Variants in TLR8 observed in about 807,000 individuals in gnomAD.
The protein encoded by TLR8 is toll-like receptor 8.
Under a neutral mutation model 18.5 loss-of-function variants are expected in TLR8, and 5 were observed. That is an observed-to-expected ratio of 0.27 (90% CI 0.14 to 0.57). TLR8 has a LOEUF of 0.57. Ranked by LOEUF, TLR8 falls within the 20% of genes least tolerant of loss-of-function variation. The pLI is 0.92. For synonymous variants in TLR8, 299 were observed against 300.1 expected, an observed-to-expected ratio of 1.00 and a Z score of 0.04; for missense variants, 543 against 769.8, an observed-to-expected ratio of 0.71 and a Z score of 3.49.
intron 1 of TLR8, among the ~76,000 whole-genome samples, chrX:12,917,457 G>A (rs10126504): frequency 0.065 from 7,288 of 111,798 alleles, 606 homozygotes; most frequent in African/African-American, 0.23. Flanking sequence ...TTAGTTCACC[G>A]GCCCTAAATT....
chrX:12,907,901 C>T (rs974903166), intron 1 of TLR8, among the ~76,000 whole-genome samples: 7 of 111,758 alleles, frequency 6.3e-5, no homozygotes, highest in Non-Finnish European at 1.9e-5. Flanking sequence ...TAAAATTTTA[C>T]AATGCTTTAC....
At position 12,906,931 on chromosome X, in the gene TLR8, G is replaced by A. The variant is rs372942962; in HGVS notation, c.3+222G>A. On this transcript the variant is annotated intron_variant, in intron 1 of 1. Transcript: ENST00000218032. ...ATAAAGGAATTAGAGAGTAAATTTT[G>A]AAAATCAAATGCAGTGATGATCTTA... Among the ~76,000 whole-genome samples the A allele has an allele frequency of 4.4e-5, 5 of 112,412 alleles. No homozygotes were observed. In the East Asian group the frequency reaches 1.4e-3, roughly 31 times the overall value.
At chrX:12,913,156 C>T (rs1241823926) in intron 1 of TLR8, among the ~76,000 whole-genome samples, 3 of 112,193 alleles carry the variant, frequency 2.7e-5, no homozygotes, top group Non-Finnish European at 5.6e-5. Context: ...ACCTGACAAA[C>T]ACTACCTCAG....
At chrX:12,906,836 T>G in intron 1 of TLR8, 127 bp downstream of exon 1, 1 of 577,025 alleles carries the variant, frequency 1.7e-6, no homozygotes, top group East Asian at 4.3e-5. Context: ...GGATAAAAAT[T>G]AAAGATCGAA....
chrX:12,913,524 C>T (rs1330633259), intron 1 of TLR8, among the ~76,000 whole-genome samples: 1 of 112,690 alleles, frequency 8.9e-6, no homozygotes, highest in Non-Finnish European at 1.9e-5. Context: ...ATAGCATTGC[C>T]TTATCCGTTT....
intron 1 of TLR8, among the ~76,000 whole-genome samples, chrX:12,916,090 A>G (rs1314711815): frequency 2.7e-5 from 3 of 110,967 alleles, no homozygotes; most frequent in Non-Finnish European, 5.7e-5. Flanking sequence ...TATGTTGGCC[A>G]GGCTGGTCTC....
rs1381639141 is a variant in TLR8, at chrX:12,920,883, T to G, written c.1843T>G (p.Phe615Val). Residue 615 changes from phenylalanine to valine, a missense_variant, in exon 2 of 2, where the codon TTC (phenylalanine) becomes GTC (valine). This residue lies in a region of TLR8 where 14 missense variants were observed against 47.0 expected (regional missense o/e 0.30). Transcript: ENST00000218032. Reference sequence around the variant, plus strand: ...AAGCAAGTCCCTGGTAGAATTAGTTTTCAGTGGCAATCGCCTTGACATTTT... The same window carrying G: ...AAGCAAGTCCCTGGTAGAATTAGTTGTCAGTGGCAATCGCCTTGACATTTT... ...LESKSLVELV[F>V]SGNRLDILWN... 8.3e-7 allele frequency: 1 copy of G among 1,209,624 alleles called. No individual in the cohort carries two copies. Among genetic ancestry groups the G allele is most frequent in the Non-Finnish European group, 1.1e-6 (1 of 894,666 alleles).
chrX:12,907,402 A>G (rs754385461), intron 1 of TLR8, among the ~76,000 whole-genome samples: 1 of 112,698 alleles, frequency 8.9e-6, no homozygotes, highest in Non-Finnish European at 1.9e-5. Flanking sequence ...TTTTTAAATG[A>G]TACATTTTCT....
In TLR8 at chrX:12,922,488, C is replaced by T. The variant is rs185447532; in HGVS notation, c.*322C>T. The T allele has an allele frequency of 3.0e-4, 59 of 197,374 alleles. 2 individuals carry two copies. In the East Asian group the frequency reaches 5.2e-3, roughly 17 times the overall value. The allele number at this position is 197,374 out of a possible 1,213,427, so 16.3% of individuals were successfully genotyped here. On this transcript the variant is annotated 3_prime_UTR_variant, in exon 2 of 2. Coordinates refer to ENST00000218032, the MANE Select transcript of TLR8 (RefSeq NM_138636.5). ...ATACTCATGTAAGCCATGCGAGCCT[C>T]TCCCACAAGGCAGCTTGCTTCATCA... is the stretch of plus-strand genomic sequence containing the variant.
At chrX:12,908,485 G>A (rs375726850) in intron 1 of TLR8, among the ~76,000 whole-genome samples, 1 of 113,075 alleles carries the variant, frequency 8.8e-6, no homozygotes, top group East Asian at 2.8e-4. Context: ...AAAGGCAGAG[G>A]TTGTTAGCCT....
rs1338628362 is a variant in TLR8 at position 12,921,574 on chromosome X, C to G, written c.2534C>G (p.Ala845Gly). Residue 845 changes from alanine to glycine, a missense_variant, in exon 2 of 2, where the codon GCT (alanine) becomes GGT (glycine). Around this residue, in one of 4 missense-constraint regions of TLR8, gnomAD observed 227 missense variants for 312.9 expected, o/e 0.73. Transcript: ENST00000218032. Reference protein sequence around the residue: ...TFFITTMVMLAALAHHLFYWD... With the variant: ...TFFITTMVMLGALAHHLFYWD... The stretch of plus-strand genomic sequence containing the variant: ...TTTATCACCACCATGGTTATGTTGG[C>G]TGCCCTGGCTCACCATTTGTTTTAC... The G allele has an allele frequency of 3.1e-5, 38 of 1,210,132 alleles. No homozygotes were observed. Among genetic ancestry groups the G allele is most frequent in the Non-Finnish European group, 4.1e-5 (37 of 895,136 alleles).
At chrX:12,913,697 G>A (rs2043035905) in intron 1 of TLR8, among the ~76,000 whole-genome samples, 1 of 112,099 alleles carries the variant, frequency 8.9e-6, no homozygotes, top group Admixed American at 9.5e-5. Flanking sequence ...TGTGTCTTTA[G>A]GATCTACTTC....
Position 12,922,605 on chromosome X carries a change from T to C in TLR8, c.*439T>C, listed in dbSNP as rs1396161379. 8.5e-6 allele frequency: 1 copy of C among 117,482 alleles called. No individual in the cohort carries two copies. The highest frequency in any genetic ancestry group is 1.8e-5 in the Non-Finnish European group (1 of 56,756). 9.7% of individuals were successfully genotyped at this position (117,482 alleles called of 1,213,427 possible). A position where few individuals can be genotyped will look rare whatever the true frequency, so the allele number is the denominator to read the frequency against. ...GTGATATCTCATCACTTTGGCCATA[T>C]TCTATTTGTTAGAAGTAAACCACAG... On this transcript the variant is annotated 3_prime_UTR_variant, in exon 2 of 2. Coordinates refer to ENST00000218032, the MANE Select transcript of TLR8 (RefSeq NM_138636.5).
At position 12,921,890 on chromosome X, in the gene TLR8, T is replaced by C. The variant is rs750278266; in HGVS notation, c.2850T>C (p.Tyr950=). Residue 950 remains tyrosine, a synonymous_variant, in exon 2 of 2, where the codon TAT becomes TAC. Coordinates refer to ENST00000218032, the MANE Select transcript of TLR8 (RefSeq NM_138636.5). ...KKTVFVLTKK[Y]AKSWNFKTAF... ...CAGTATTTGTTTTAACCAAAAAATA[T>C]GCAAAAAGCTGGAACTTTAAAACAG... 2.5e-6 allele frequency: 3 copies of C among 1,210,127 alleles called. No individual in the cohort carries two copies. Among genetic ancestry groups the C allele is most frequent in the African/African-American group, 3.5e-5 (2 of 57,256 alleles).
At chrX:12,915,308 ATGAGCCACCATGCCCCGCTATT>A (rs1362789652) in intron 1 of TLR8, among the ~76,000 whole-genome samples, 2 of 111,275 alleles carry the variant, frequency 1.8e-5, no homozygotes, top group African/African-American at 6.5e-5. Flanking sequence ...GACCACAAGC[ATGAGCCACCATGCCCCGCTATT>A]TGTTTTTGTA....
rs767404610 is a variant in TLR8, at chrX:12,910,424, G to A, written c.3+3715G>A. The A allele has an allele frequency of 9.4e-6, 11 of 1,167,629 alleles. No homozygotes were observed. In the South Asian group the frequency reaches 2.1e-4, roughly 22 times the overall value. ...CTTTGCAAAATAGCTCCTGCAGCCTGGGAAAGGAGACTAAAAAGGTAAAAA... is the reference window on the plus strand; with the variant it reads ...CTTTGCAAAATAGCTCCTGCAGCCTAGGAAAGGAGACTAAAAAGGTAAAAA... On this transcript the variant is annotated intron_variant, in intron 1 of 1. Coordinates refer to ENST00000218032, the MANE Select transcript of TLR8 (RefSeq NM_138636.5).
At position 12,920,923 on chromosome X, in the gene TLR8, A is replaced by T. The variant is rs746367315; in HGVS notation, c.1883A>T (p.Asp628Val). The T allele has an allele frequency of 8.3e-7, 1 of 1,210,663 alleles. No homozygotes were observed. The highest frequency in any genetic ancestry group is 1.1e-6 in the Non-Finnish European group (1 of 894,792). Residue 628 changes from aspartate (D) to valine (V), a missense_variant, in exon 2 of 2, where the codon GAC (aspartate) becomes GTC (valine). This residue lies in a region of TLR8 where 227 missense variants were observed against 312.9 expected (regional missense o/e 0.73). Transcript: ENST00000218032. ...NRLDILWNDD[D>V]NRYISIFKGL... ...CTTGACATTTTGTGGAATGATGATG[A>T]CAACAGGTATATCTCCATTTTCAAA... is the stretch of plus-strand genomic sequence containing the variant.
Position 12,921,597 on chromosome X carries a change from T to C in TLR8, c.2557T>C (p.Tyr853His). 8.3e-7 allele frequency: 1 copy of C among 1,211,929 alleles called. No individual in the cohort carries two copies. The highest frequency in any genetic ancestry group is 1.1e-6 in the Non-Finnish European group (1 of 895,474). The change falls in exon 2 of 2, where the codon TAC (tyrosine) becomes CAC (histidine). Residue 853 changes from tyrosine (Y) to histidine (H), a missense_variant. Physicochemically the swap from Tyr to His is moderately conservative, Grantham distance 83 (BLOSUM62 2). Coordinates refer to ENST00000218032, the MANE Select transcript of TLR8 (RefSeq NM_138636.5). Reference protein sequence around the residue: ...MLAALAHHLFYWDVWFIYNVC... With the variant: ...MLAALAHHLFHWDVWFIYNVC... ...GGCTGCCCTGGCTCACCATTTGTTT[T>C]ACTGGGATGTTTGGTTTATATATAA... is the stretch of plus-strand genomic sequence containing the variant.
At chrX:12,907,879 T>C (rs964460943) in intron 1 of TLR8, among the ~76,000 whole-genome samples, 40 of 111,696 alleles carry the variant, frequency 3.6e-4, no homozygotes, top group African/African-American at 1.3e-3. Flanking sequence ...TGAAGGTAAA[T>C]TAATTCTGCA....
Sources: allele counts gnomAD v4.1 joint callset (sites outside exome capture counted in the v4.1 genomes callset), GRCh38; gene constraint gnomAD v4.1.1; regional missense constraint gnomAD v4.1.1; transcripts MANE v1.5; gene names NCBI Gene and HGNC (gene_info 2026-07-23, HGNC 2026-07-21).